CSMD3: variants seen among roughly 807,000 people sequenced by gnomAD.
CSMD3 encodes CUB and Sushi multiple domains 3, also known as CUB and sushi domain-containing protein 3.
A neutral mutation model predicts 435.2 loss-of-function variants in CSMD3; 177 were observed. The observed-to-expected ratio is 0.41, with a 90% CI of 0.36 to 0.46. CSMD3 has a LOEUF of 0.46. CSMD3 is among the 20% of genes least tolerant of loss of function. CSMD3 has a pLI of 0.34. For synonymous variants in CSMD3, 1,656 were observed against 1,520.5 expected (o/e 1.09, Z -2.07); for missense variants, 4,265 against 4,504.6 (o/e 0.95, Z 1.52).
intron 4 of CSMD3, among the ~76,000 whole-genome samples, chr8:113,152,360 CA>C (rs1451203272): frequency 3.3e-5 from 5 of 152,102 alleles, no homozygotes; most frequent in African/African-American, 1.2e-4. Context: ...GGATATGGAA[CA>C]AACACATTTG....
At chr8:112,972,486 T>C (rs2084693390) in intron 7 of CSMD3, among the ~76,000 whole-genome samples, 1 of 151,824 alleles carries the variant, frequency 6.6e-6, no homozygotes, top group Non-Finnish European at 1.5e-5. Flanking sequence ...GGCCTTTATA[T>C]CCAGTTCCAT....
intron 22 of CSMD3, among the ~76,000 whole-genome samples, chr8:112,592,652 A>AT (rs1831295973): frequency 6.6e-6 from 1 of 152,002 alleles, no homozygotes; most frequent in East Asian, 1.9e-4. Flanking sequence ...CAATTATATC[A>AT]TTTTCTGTCA....
At chr8:112,481,637 T>C (rs958620133) in intron 31 of CSMD3, among the ~76,000 whole-genome samples, 1 of 152,200 alleles carries the variant, frequency 6.6e-6, no homozygotes, top group Non-Finnish European at 1.5e-5. Flanking sequence ...TGCATTGATA[T>C]AGCCTGATTG....
intron 10 of CSMD3, among the ~76,000 whole-genome samples, chr8:112,898,869 A>G (rs1421455626): frequency 1.3e-5 from 2 of 151,188 alleles, no homozygotes; most frequent in Non-Finnish European, 3.0e-5. Context: ...GGACAACACC[A>G]AGGGAAACTG....
intron 10 of CSMD3, among the ~76,000 whole-genome samples, chr8:112,903,884 T>C (rs2082178644): frequency 6.6e-6 from 1 of 151,322 alleles, no homozygotes; most frequent in Admixed American, 6.6e-5. Flanking sequence ...GCCAACTTTC[T>C]AGTTGGATGT....
chr8:113,354,784 C>T (rs2094210902), intron 1 of CSMD3, among the ~76,000 whole-genome samples: 1 of 152,038 alleles, frequency 6.6e-6, no homozygotes, highest in South Asian at 2.1e-4. Flanking sequence ...GGACTACAAG[C>T]GTGTGTTACC....
At chr8:112,706,211 C>CT (rs2076495800) in intron 13 of CSMD3, among the ~76,000 whole-genome samples, 1 of 151,898 alleles carries the variant, frequency 6.6e-6, no homozygotes, top group African/African-American at 2.4e-5. Flanking sequence ...CACATTCATT[C>CT]ATTCATCTAT....
At chr8:112,782,511 A>C (rs1223265621) in intron 13 of CSMD3, among the ~76,000 whole-genome samples, 4 of 152,108 alleles carry the variant, frequency 2.6e-5, no homozygotes, top group African/African-American at 9.6e-5. Flanking sequence ...GAGAAAGATC[A>C]GGGTAGAAAA....
At chr8:112,580,813 A>G (rs1157764645) in intron 23 of CSMD3, among the ~76,000 whole-genome samples, 2 of 152,072 alleles carry the variant, frequency 1.3e-5, no homozygotes, top group Non-Finnish European at 2.9e-5. Flanking sequence ...ATAATGCCCT[A>G]GGACAAAATG....
intron 13 of CSMD3, among the ~76,000 whole-genome samples, chr8:112,691,182 G>T (rs2076129059): frequency 6.6e-6 from 1 of 151,922 alleles, no homozygotes; most frequent in South Asian, 2.1e-4. Context: ...CTATGTTTTA[G>T]AGATACTATT....
At chr8:113,216,987 T>C (rs1466008398) in intron 3 of CSMD3, among the ~76,000 whole-genome samples, 3 of 151,642 alleles carry the variant, frequency 2.0e-5, no homozygotes. Flanking sequence ...CAAAAAACAA[T>C]AAAACTTCCA....
intron 1 of CSMD3, among the ~76,000 whole-genome samples, chr8:113,345,868 AC>A (rs551435406): frequency 6.6e-6 from 1 of 151,590 alleles, no homozygotes; most frequent in South Asian, 2.1e-4. Context: ...GAATTCACAC[AC>A]CCCGGCTCCA....
chr8:112,868,316 A>C (rs1200606157), intron 10 of CSMD3, among the ~76,000 whole-genome samples: 1 of 152,144 alleles, frequency 6.6e-6, no homozygotes, highest in African/African-American at 2.4e-5. Flanking sequence ...TTTCTTTTTA[A>C]GCAGAAAGAG....
chr8:113,358,915 T>G (rs1237985718), intron 1 of CSMD3, among the ~76,000 whole-genome samples: 1 of 152,146 alleles, frequency 6.6e-6, no homozygotes, highest in Non-Finnish European at 1.5e-5. Flanking sequence ...TCTCAATGAT[T>G]GATGATGGCA....
intron 3 of CSMD3, among the ~76,000 whole-genome samples, chr8:113,242,265 T>A (rs1409520105): frequency 6.6e-6 from 1 of 151,892 alleles, no homozygotes; most frequent in Non-Finnish European, 1.5e-5. Flanking sequence ...TTTACCTTAA[T>A]GAACAGAATA....
intron 5 of CSMD3, among the ~76,000 whole-genome samples, chr8:113,063,890 T>C (rs1191977865): frequency 2.0e-5 from 3 of 151,710 alleles, no homozygotes; most frequent in Non-Finnish European, 4.4e-5. Context: ...ATGATAGTAA[T>C]AGGTGATACA....
intron 27 of CSMD3, among the ~76,000 whole-genome samples, chr8:112,532,158 A>T (rs543194851): frequency 6.6e-6 from 1 of 152,108 alleles, no homozygotes; most frequent in Non-Finnish European, 1.5e-5. Context: ...GACATGGAAG[A>T]TAGGTTATTT....
chr8:112,469,661 G>A (rs370697526), intron 32 of CSMD3, among the ~76,000 whole-genome samples: 1 of 152,068 alleles, frequency 6.6e-6, no homozygotes, highest in Non-Finnish European at 1.5e-5. Flanking sequence ...GGAATCTAAC[G>A]CCACAGCTTA....
intron 5 of CSMD3, among the ~76,000 whole-genome samples, chr8:113,065,610 G>C (rs911783974): frequency 6.6e-6 from 1 of 151,920 alleles, no homozygotes; most frequent in Non-Finnish European, 1.5e-5. Flanking sequence ...AGATGGTCTC[G>C]ATCTCCTGAC....
Sources: gnomAD v4.1 joint callset for allele counts (sites outside exome capture counted in the v4.1 genomes callset) on GRCh38, gnomAD v4.1.1 for gene constraint, MANE v1.5 for transcripts, NCBI Gene and HGNC (gene_info 2026-07-23, HGNC 2026-07-21) for gene names.